Variants in CHL1 observed in about 807,000 individuals in gnomAD.
The protein encoded by CHL1 is cell adhesion molecule L1 like, also known as neural cell adhesion molecule L1-like protein.
Under a neutral mutation model 141.9 loss-of-function variants are expected in CHL1, and 96 were observed. That is an observed-to-expected ratio of 0.68 (90% CI 0.57 to 0.80). The LOEUF is 0.80. Ranked by LOEUF, CHL1 falls within the 30% of genes least tolerant of loss-of-function variation. The pLI is 0.00. For synonymous variants in CHL1, 613 were observed against 502.2 expected, an observed-to-expected ratio of 1.22 and a Z score of -2.95; for missense variants, 1,820 against 1,457.2, an observed-to-expected ratio of 1.25 and a Z score of -4.05.
intron 10 of CHL1, among the ~76,000 whole-genome samples, chr3:353,152 A>G (rs548574550): frequency 3.9e-5 from 6 of 152,288 alleles, no homozygotes; most frequent in Admixed American, 6.5e-5. Context: ...CTAATAGTAA[A>G]TATCCTAATG....
At chr3:375,064 T>C (rs1287639405) in intron 15 of CHL1, among the ~76,000 whole-genome samples, 2 of 152,138 alleles carry the variant, frequency 1.3e-5, no homozygotes, top group African/African-American at 4.8e-5. Context: ...GTACTTCCCA[T>C]ACATGCTTTC....
chr3:243,461 G>A (rs1022217526), intron 1 of CHL1, among the ~76,000 whole-genome samples: 2 of 152,138 alleles, frequency 1.3e-5, no homozygotes, highest in African/African-American at 4.8e-5. Flanking sequence ...GTCAGAAGTA[G>A]GCCTTGTGGG....
intron 15 of CHL1, among the ~76,000 whole-genome samples, chr3:375,398 G>T (rs1262586390): frequency 6.6e-6 from 1 of 151,872 alleles, no homozygotes; most frequent in Non-Finnish European, 1.5e-5. Flanking sequence ...CAGTGGGAGG[G>T]TTTTTCCTTG....
chr3:228,684 GA>G (rs1247341915), intron 1 of CHL1, among the ~76,000 whole-genome samples: 6 of 152,172 alleles, frequency 3.9e-5, no homozygotes, highest in Admixed American at 3.9e-4. Flanking sequence ...ACCCCTGTGA[GA>G]GGCCAGTAAT....
In CHL1 at chr3:216,121, T is replaced by TA. The variant is rs375509690; in HGVS notation, c.-175+19064dup. 7.8e-3 allele frequency among the ~76,000 whole-genome samples: 1,194 copies of TA among 152,286 alleles called. 13 individuals carry two copies. Among genetic ancestry groups the TA allele is most frequent in the African/African-American group, 0.028 (1,153 of 41,566 alleles). On this transcript the variant is annotated intron_variant, in intron 1 of 27. Coordinates refer to ENST00000256509, the MANE Select transcript of CHL1 (RefSeq NM_006614.4). ...AAAAATGTAAACAAAAATTGATGTG[T>TA]AAAAAATACCACTGTATTTAAAAGG...
chr3:287,109 C>A (rs1697224173), intron 2 of CHL1, among the ~76,000 whole-genome samples: 2 of 152,136 alleles, frequency 1.3e-5, no homozygotes, highest in African/African-American at 4.8e-5. Flanking sequence ...TTTACCTAAC[C>A]CCCATTCAAG....
chr3:202,634 C>G (rs900218392), intron 1 of CHL1, among the ~76,000 whole-genome samples: 8 of 152,136 alleles, frequency 5.3e-5, no homozygotes, highest in Non-Finnish European at 1.0e-4. Context: ...AGAACCATCA[C>G]CTTAGATTTG....
intron 3 of CHL1, among the ~76,000 whole-genome samples, chr3:322,909 C>G (rs563683224): frequency 5.3e-5 from 8 of 151,446 alleles, no homozygotes; most frequent in African/African-American, 1.9e-4. Context: ...AAAACAAAAA[C>G]AGTTTTGCTT....
intron 24 of CHL1, among the ~76,000 whole-genome samples, chr3:395,227 A>T (rs934343053): frequency 1.3e-5 from 2 of 152,224 alleles, no homozygotes; most frequent in Non-Finnish European, 2.9e-5. Flanking sequence ...ATGTTTCCAT[A>T]CAGAAAAATA....
At chr3:360,556 T>A in intron 12 of CHL1, 132 bp downstream of exon 12, 1 of 934,622 alleles carries the variant, frequency 1.1e-6, no homozygotes, top group South Asian at 1.9e-5. Context: ...CACCATACAT[T>A]TGAGTTTTAG....
At chr3:342,299 C>G (rs879876767) in intron 7 of CHL1, among the ~76,000 whole-genome samples, 1 of 152,142 alleles carries the variant, frequency 6.6e-6, no homozygotes, top group Non-Finnish European at 1.5e-5. Flanking sequence ...ATTCACAGGA[C>G]AAATGTATTT....
intron 19 of CHL1, among the ~76,000 whole-genome samples, chr3:386,379 G>C (rs983701040): frequency 6.6e-6 from 1 of 152,084 alleles, no homozygotes; most frequent in Non-Finnish European, 1.5e-5. Context: ...GTAGAACTAG[G>C]CTTTTTAGTT....
chr3:273,487 T>C (rs917227373), intron 2 of CHL1, among the ~76,000 whole-genome samples: 1 of 152,222 alleles, frequency 6.6e-6, no homozygotes, highest in African/African-American at 2.4e-5. Flanking sequence ...CCTTCTTTAA[T>C]CTTATTCAAG....
intron 2 of CHL1, among the ~76,000 whole-genome samples, chr3:315,674 G>T (rs1406369825): frequency 2.6e-5 from 4 of 152,042 alleles, no homozygotes; most frequent in Non-Finnish European, 5.9e-5. Context: ...TTAAACTAAT[G>T]TCTTGAAATC....
intron 2 of CHL1, among the ~76,000 whole-genome samples, chr3:306,768 C>A (rs1307492481): frequency 2.6e-5 from 4 of 152,032 alleles, no homozygotes; most frequent in African/African-American, 4.8e-5. Context: ...TATCCCAAAC[C>A]ATGAACTATT....
At chr3:395,749 C>T (rs2106404475) in intron 24 of CHL1, among the ~76,000 whole-genome samples, 1 of 152,326 alleles carries the variant, frequency 6.6e-6, no homozygotes, top group African/African-American at 2.4e-5. Context: ...ATGGCAAAGG[C>T]CGCACTTACT....
At chr3:212,599 C>T (rs766084954) in intron 1 of CHL1, among the ~76,000 whole-genome samples, 16 of 152,210 alleles carry the variant, frequency 1.1e-4, no homozygotes, top group Non-Finnish European at 1.8e-4. Flanking sequence ...ACCATGATGT[C>T]ACTTACTTCC....
At chr3:337,844 T>A (rs916163658) in intron 5 of CHL1, among the ~76,000 whole-genome samples, 1 of 152,202 alleles carries the variant, frequency 6.6e-6, no homozygotes, top group Admixed American at 6.5e-5. Flanking sequence ...TGTGTGCATG[T>A]GTCTTCATAG....
At chr3:383,039 C>T (rs76477879) in intron 18 of CHL1, among the ~76,000 whole-genome samples, 6,034 of 152,198 alleles carry the variant, frequency 0.04, 359 homozygotes, top group African/African-American at 0.13. Flanking sequence ...TGTGTCTCAA[C>T]ATCAATCTAA....
Sources: allele counts gnomAD v4.1 joint callset (sites outside exome capture counted in the v4.1 genomes callset), GRCh38; gene constraint gnomAD v4.1.1; transcripts MANE v1.5; gene names NCBI Gene and HGNC (gene_info 2026-07-23, HGNC 2026-07-21).